Variants in PTPN14 observed in about 807,000 individuals in gnomAD.
PTPN14 encodes the protein tyrosine-protein phosphatase non-receptor type 14.
In PTPN14, 53 loss-of-function variants were observed where a neutral mutation model predicts 126.8. The ratio of observed to expected loss-of-function variants is 0.42; its 90% CI spans 0.34 to 0.53. The LOEUF (loss-of-function observed/expected upper bound fraction) is 0.53. PTPN14 is among the 20% of genes least tolerant of loss of function. The probability of loss-of-function intolerance (pLI) is 0.08; values close to 1 mark genes in which losing one functional copy is unlikely to be tolerated. For missense variants in PTPN14, 1,257 were observed against 1,552.9 expected (o/e 0.81, Z 3.20); for synonymous variants, 630 against 599.3 (o/e 1.05, Z -0.75).
chr1:214,442,739 A>C (rs553464426), intron 3 of PTPN14, among the ~76,000 whole-genome samples: 107 of 152,220 alleles, frequency 7.0e-4, no homozygotes, highest in Non-Finnish European at 1.5e-3. Context: ...GGCTAAGTTA[A>C]CTTCATCTTA....
intron 2 of PTPN14, among the ~76,000 whole-genome samples, chr1:214,455,784 C>A (rs75395921): frequency 6.6e-6 from 1 of 152,150 alleles, no homozygotes; most frequent in South Asian, 2.1e-4. Context: ...ACTAAAAAAT[C>A]GGCTAGTTTC....
chr1:214,369,306 A>C, intron 17 of PTPN14, 151 bp downstream of exon 17: 1 of 701,026 alleles, frequency 1.4e-6, no homozygotes, highest in South Asian at 1.9e-5. Context: ...TCTGTTCTAC[A>C]TAGTAAGAAA....
intron 1 of PTPN14, among the ~76,000 whole-genome samples, chr1:214,466,704 T>A (rs571963885): frequency 3.9e-4 from 60 of 152,170 alleles, no homozygotes; most frequent in Non-Finnish European, 6.6e-4. Context: ...ATCTGATTGT[T>A]TTGTTAACTT....
At chr1:214,479,936 T>C (rs1660949766) in intron 1 of PTPN14, among the ~76,000 whole-genome samples, 1 of 152,230 alleles carries the variant, frequency 6.6e-6, no homozygotes, top group South Asian at 2.1e-4. Flanking sequence ...TAACTGAGAT[T>C]GTACCATCTT....
At chr1:214,433,394 T>C (rs1659837209) in intron 3 of PTPN14, among the ~76,000 whole-genome samples, 1 of 151,848 alleles carries the variant, frequency 6.6e-6, no homozygotes, top group Non-Finnish European at 1.5e-5. Flanking sequence ...TGGTGACAGA[T>C]TTGCAATTTG....
rs746016068 is a variant in PTPN14, at chr1:214,384,094, G to A, written c.1761C>T (p.His587=). Residue 587 remains histidine (H), a synonymous_variant, in exon 13 of 19, where the codon CAC becomes CAT. Transcript: ENST00000366956. The surrounding 1 kb of genome is among the most constrained non-coding windows in gnomAD (Gnocchi z 5.3). ...CCGGGCTGCTGCCGCTGACGTACTT[G>A]TGGCGGTGGCTGGCCAGGTCTGGGG... ...TSTPDLASHR[H]KYVSGSSPDL... The A allele has an allele frequency of 9.5e-6, 15 of 1,573,650 alleles. No individual in the cohort carries two copies. The highest frequency in any genetic ancestry group is 2.7e-5 in the African/African-American group (2 of 74,486).
At position 214,383,929 on chromosome 1, in the gene PTPN14, G is replaced by A. The variant is rs780830359; in HGVS notation, c.1926C>T (p.Ser642=). The change falls in exon 13 of 19, where the codon AGC becomes AGT. Residue 642 remains serine, a synonymous_variant. Transcript: ENST00000366956. The surrounding 1 kb of genome is among the most constrained non-coding windows in gnomAD (Gnocchi z 4.4). ...GCACCATGCTGTTCATCACCTCCAG[G>A]CTGTGGCGCTTGTTCACAGTGCCGT... ...KHHGTVNKRH[S]LEVMNSMVRG... The A allele has an allele frequency of 2.5e-6, 4 of 1,613,170 alleles. No individual in the cohort carries two copies. Among genetic ancestry groups the A allele is most frequent in the Admixed American group, 1.7e-5 (1 of 60,012 alleles).
chr1:214,364,708 G>C lies in PTPN14; in HGVS notation c.3272-33C>G. ...ACAAAATGCAAATTCTGTCACCAAA[G>C]TCCTCCATGGCTTCGCATGTAAGTT... is the stretch of plus-strand genomic sequence containing the variant. On this transcript the variant is annotated intron_variant, in intron 17 of 18. Coordinates refer to ENST00000366956, the MANE Select transcript of PTPN14 (RefSeq NM_005401.5). The surrounding 1 kb of genome is among the most constrained non-coding windows in gnomAD (Gnocchi z 4.1). 1.9e-6 allele frequency: 3 copies of C among 1,596,216 alleles called. No individual in the cohort carries two copies. The highest frequency in any genetic ancestry group is 2.6e-6 in the Non-Finnish European group (3 of 1,170,806).
intron 1 of PTPN14, among the ~76,000 whole-genome samples, chr1:214,481,164 T>C (rs1660976109): frequency 1.3e-5 from 2 of 152,298 alleles, no homozygotes; most frequent in East Asian, 3.9e-4. Flanking sequence ...TTCACATAAA[T>C]GCAACATTTG....
chr1:214,419,679 T>C (rs1273104737), intron 3 of PTPN14, among the ~76,000 whole-genome samples: 1 of 152,020 alleles, frequency 6.6e-6, no homozygotes, highest in Non-Finnish European at 1.5e-5. Flanking sequence ...GTTTCTCTAC[T>C]ATAAAAGACA....
intron 8 of PTPN14, among the ~76,000 whole-genome samples, chr1:214,395,588 A>AACACACACACACACACACACACACACAC (rs57357032): frequency 7.5e-6 from 1 of 132,472 alleles, no homozygotes. Flanking sequence ...GGGACCCAAC[A>AACACACACACACACACACACACACACAC]ACACACACAC....
rs527891580 is a variant in PTPN14, at chr1:214,349,799, A to G, written c.*8123T>C. 3 of 152,296 alleles carry G rather than the reference A, an allele frequency of 2.0e-5. No homozygotes were observed. The South Asian group carries it at 6.2e-4, about 32-fold the overall frequency. 9.4% of individuals were successfully genotyped at this position (152,296 alleles called of 1,614,324 possible). On this transcript the variant is annotated 3_prime_UTR_variant, in exon 19 of 19. Coordinates refer to ENST00000366956, the MANE Select transcript of PTPN14 (RefSeq NM_005401.5). ...AAGAAAGTTCAAAGGAAATTGCAGT[A>G]AAATTGTACAATGTTCAAGTTGAAA...
At chr1:214,425,348 C>A (rs879078334) in intron 3 of PTPN14, among the ~76,000 whole-genome samples, 3 of 152,176 alleles carry the variant, frequency 2.0e-5, no homozygotes, top group Non-Finnish European at 4.4e-5. Context: ...AACAAAATCA[C>A]CTACACTCTA....
At chr1:214,508,141 G>A (rs1413664107) in intron 1 of PTPN14, among the ~76,000 whole-genome samples, 1 of 152,128 alleles carries the variant, frequency 6.6e-6, no homozygotes, top group Non-Finnish European at 1.5e-5. Context: ...GGTGGCTATG[G>A]CCATTTCTTA....
chr1:214,520,059 A>AT (rs1224376294), intron 1 of PTPN14, among the ~76,000 whole-genome samples: 2 of 81,794 alleles, frequency 2.4e-5, no homozygotes, highest in Non-Finnish European at 4.4e-5. Flanking sequence ...AAAAAAAAAA[A>AT]AAAAAAATAT....
At chr1:214,436,402 TA>T (rs5780777) in intron 3 of PTPN14, among the ~76,000 whole-genome samples, 8 of 151,520 alleles carry the variant, frequency 5.3e-5, no homozygotes, top group South Asian at 4.2e-4. Flanking sequence ...AAAATAAAGT[TA>T]AAAAAAAATA....
intron 1 of PTPN14, among the ~76,000 whole-genome samples, chr1:214,485,948 G>A (rs888174542): frequency 5.9e-5 from 9 of 152,052 alleles, no homozygotes; most frequent in South Asian, 2.1e-4. Context: ...GGATGGTCTC[G>A]ATCTCCTGAC....
At chr1:214,465,353 T>C (rs1401951546) in intron 1 of PTPN14, among the ~76,000 whole-genome samples, 7 of 152,328 alleles carry the variant, frequency 4.6e-5, no homozygotes, top group African/African-American at 1.2e-4. Context: ...CTCATGCCTG[T>C]AATCCCAGCA....
intron 5 of PTPN14, among the ~76,000 whole-genome samples, chr1:214,403,908 G>C (rs1411161753): frequency 6.6e-6 from 1 of 152,200 alleles, no homozygotes; most frequent in African/African-American, 2.4e-5. Context: ...GAGGGTCACA[G>C]ATGGGCACCA....
Sources: gnomAD v4.1 joint callset for allele counts (sites outside exome capture counted in the v4.1 genomes callset) on GRCh38, gnomAD v4.1.1 for gene constraint, Gnocchi (gnomAD v3.1) non-coding constraint, MANE v1.5 for transcripts, NCBI Gene and HGNC (gene_info 2026-07-23, HGNC 2026-07-21) for gene names.